The following TRHDE variants were observed in gnomAD, a reference collection of about 807,000 sequenced individuals.
TRHDE encodes the protein thyrotropin releasing hormone degrading enzyme.
TRHDE carries 72 observed loss-of-function variants against 125.7 expected under a neutral mutation model. The ratio of observed to expected loss-of-function variants is 0.57; its 90% confidence interval spans 0.47 to 0.70. The LOEUF (loss-of-function observed/expected upper bound fraction) is 0.70, where lower values mean the gene tolerates loss of function less well. Among genes scored for constraint, TRHDE ranks in the 30% least tolerant of loss-of-function variants. The pLI, the probability that TRHDE is intolerant of heterozygous loss-of-function variation, is 0.00. For synonymous variants in TRHDE, 509 were observed against 509.1 expected, an observed-to-expected ratio of 1.00 and a Z score of 0.00; for missense variants, 1,110 against 1,327.1, an observed-to-expected ratio of 0.84 and a Z score of 2.54.
chr12:72,413,035 G>A (rs190342951), intron 3 of TRHDE, among the ~76,000 whole-genome samples: 121 of 151,932 alleles, frequency 8.0e-4, no homozygotes, highest in Non-Finnish European at 4.4e-5. Flanking sequence ...GACCCAGATG[G>A]TGATTATTTG....
At chr12:72,661,553 T>C (rs1194817290) in intron 18 of TRHDE, among the ~76,000 whole-genome samples, 2 of 152,174 alleles carry the variant, frequency 1.3e-5, no homozygotes, top group African/African-American at 2.4e-5. Context: ...GCCTTAAGGA[T>C]ATAGACTGGA....
At chr12:72,545,658 G>T (rs1360912329) in intron 7 of TRHDE, among the ~76,000 whole-genome samples, 1 of 151,614 alleles carries the variant, frequency 6.6e-6, no homozygotes, top group Non-Finnish European at 1.5e-5. Context: ...TATAACTGTA[G>T]TCAAACCAGA....
At chr12:72,361,272 T>A (rs577268147) in intron 2 of TRHDE, among the ~76,000 whole-genome samples, 1 of 152,026 alleles carries the variant, frequency 6.6e-6, no homozygotes, top group East Asian at 1.9e-4. Flanking sequence ...TTCAGGTGTT[T>A]TGTTAAAACT....
chr12:72,152,304 G>A (rs868343747), intron 2 of TRHDE, among the ~76,000 whole-genome samples: 2,188 of 147,948 alleles, frequency 0.015, 33 homozygotes, highest in African/African-American at 0.035. Flanking sequence ...GGGCTGAGAC[G>A]ATGGGGTTTT....
At chr12:72,440,682 T>C (rs952852784) in intron 3 of TRHDE, among the ~76,000 whole-genome samples, 6 of 151,890 alleles carry the variant, frequency 4.0e-5, no homozygotes, top group Non-Finnish European at 8.8e-5. Context: ...CAGTAAGTGG[T>C]AGACTCAGGA....
chr12:72,302,460 A>G (rs1004198562), intron 2 of TRHDE, among the ~76,000 whole-genome samples: 3 of 152,156 alleles, frequency 2.0e-5, no homozygotes, highest in Non-Finnish European at 4.4e-5. Flanking sequence ...TGTTTCAGGT[A>G]CTATTCTAAG....
intron 15 of TRHDE, among the ~76,000 whole-genome samples, chr12:72,637,636 C>T (rs1288886914): frequency 6.6e-6 from 1 of 151,944 alleles, no homozygotes; most frequent in Non-Finnish European, 1.5e-5. Context: ...CTCTTGTGGG[C>T]ATGTAGTGCT....
In TRHDE at chr12:72,170,093, G is replaced by C. The variant is rs138081305; in HGVS notation, n.279+64341G>C. ...TAGTCGACCAGAACGTATCGTCTTG[G>C]TAGAATGGCAGGCTCAAGTCCAGTT... is the stretch of plus-strand genomic sequence containing the variant. On this transcript the variant is annotated intron_variant and non_coding_transcript_variant, in intron 2 of 4. Coordinates refer to the TRHDE transcript ENST00000548156. Among the ~76,000 whole-genome samples, 807 of 152,286 alleles carry C rather than the reference G, an allele frequency of 5.3e-3. 3 individuals are homozygous for C. Among genetic ancestry groups the C allele is most frequent in the Middle Eastern group, 0.01 (3 of 294 alleles).
intron 9 of TRHDE, among the ~76,000 whole-genome samples, chr12:72,566,530 A>T (rs762784502): frequency 1.3e-5 from 2 of 151,684 alleles, no homozygotes; most frequent in Non-Finnish European, 2.9e-5. Flanking sequence ...TATTTTAGAT[A>T]TTTTTTTCTA....
chr12:72,198,065 A>G (rs1565660566), intron 2 of TRHDE, among the ~76,000 whole-genome samples: 1 of 152,082 alleles, frequency 6.6e-6, no homozygotes, highest in African/African-American at 2.4e-5. Context: ...ATCATATAAT[A>G]TGTGACATTT....
At chr12:72,112,812 G>A (rs529159406) in intron 2 of TRHDE, among the ~76,000 whole-genome samples, 1 of 152,250 alleles carries the variant, frequency 6.6e-6, no homozygotes, top group East Asian at 1.9e-4. Flanking sequence ...GCCTGACTTA[G>A]AGGCTTTGTC....
At chr12:72,608,685 A>T (rs1872536650) in intron 12 of TRHDE, among the ~76,000 whole-genome samples, 1 of 152,180 alleles carries the variant, frequency 6.6e-6, no homozygotes. Flanking sequence ...TCAGCCATGA[A>T]CCAAACTTCT....
At chr12:72,219,777 C>T (rs1877966317) in intron 2 of TRHDE, among the ~76,000 whole-genome samples, 1 of 152,110 alleles carries the variant, frequency 6.6e-6, no homozygotes, top group Admixed American at 6.6e-5. Context: ...TGTGTGTTCA[C>T]TGGAGGTCTG....
chr12:72,449,630 C>G (rs929655339), intron 3 of TRHDE, among the ~76,000 whole-genome samples: 1 of 151,732 alleles, frequency 6.6e-6, no homozygotes, highest in Admixed American at 6.6e-5. Flanking sequence ...CCTTTGAGCC[C>G]CTTTTCCATT....
intron 2 of TRHDE, among the ~76,000 whole-genome samples, chr12:72,364,616 C>T (rs188969432): frequency 6.6e-6 from 1 of 151,980 alleles, no homozygotes; most frequent in East Asian, 1.9e-4. Flanking sequence ...AGGTTCTTAC[C>T]CTTGGGGACA....
chr12:72,504,506 A>G (rs1380847859), intron 6 of TRHDE, among the ~76,000 whole-genome samples: 1 of 151,864 alleles, frequency 6.6e-6, no homozygotes, highest in African/African-American at 2.4e-5. Context: ...GTTTCACCAT[A>G]TTGGCCAGGC....
intron 3 of TRHDE, among the ~76,000 whole-genome samples, chr12:72,381,556 T>C (rs544558080): frequency 0.017 from 2,586 of 151,580 alleles, 41 homozygotes; most frequent in Non-Finnish European, 0.029. Context: ...CCACTACGCC[T>C]GGCTAATTTT....
chr12:72,499,777 T>G (rs904374350), intron 6 of TRHDE, 142 bp downstream of exon 6: 1 of 902,874 alleles, frequency 1.1e-6, no homozygotes, highest in East Asian at 2.9e-5. Flanking sequence ...ACTAGGTTCG[T>G]GTCATTTTAT....
At chr12:72,093,194 T>C (rs1874832852) in intron 1 of TRHDE, among the ~76,000 whole-genome samples, 1 of 152,252 alleles carries the variant, frequency 6.6e-6, no homozygotes, top group Non-Finnish European at 1.5e-5. Context: ...AGTCTGCTGA[T>C]AGCCTATGGT....
Sources: gnomAD v4.1 joint callset for allele counts (sites outside exome capture counted in the v4.1 genomes callset) on GRCh38, gnomAD v4.1.1 for gene constraint, MANE v1.5 for transcripts, NCBI Gene and HGNC (gene_info 2026-07-23, HGNC 2026-07-21) for gene names.